Variants in STARD9 observed in about 807,000 individuals in gnomAD.
The protein encoded by STARD9 is StAR related lipid transfer domain containing 9.
A neutral mutation model predicts 399.8 loss-of-function variants in STARD9; 346 were observed. The ratio of observed to expected loss-of-function variants is 0.87; its 90% CI spans 0.79 to 0.95. STARD9 has a LOEUF of 0.95. STARD9 is among the 40% of genes least tolerant of loss of function. The pLI, the probability that STARD9 is intolerant of heterozygous loss-of-function variation, is 0.00. For synonymous variants in STARD9, 2,203 were observed against 2,143.5 expected (o/e 1.03, Z -0.77); for missense variants, 5,832 against 5,667.5 (o/e 1.03, Z -0.93).
intron 3 of STARD9, among the ~76,000 whole-genome samples, chr15:42,622,857 C>A (rs765596203): frequency 3.3e-5 from 5 of 152,152 alleles, no homozygotes; most frequent in African/African-American, 4.8e-5. Flanking sequence ...GTCCTGGGGT[C>A]AACCTCACTG....
chr15:42,661,567 C>T (rs1279034186), intron 10 of STARD9, among the ~76,000 whole-genome samples: 3 of 152,134 alleles, frequency 2.0e-5, no homozygotes, highest in Non-Finnish European at 4.4e-5. Flanking sequence ...GCCTCAGCCT[C>T]TGGAGTAGCT....
In STARD9 at chr15:42,688,402, T is replaced by A. The variant is rs763037398; in HGVS notation, c.6824T>A (p.Val2275Asp). 6.5e-6 allele frequency: 10 copies of A among 1,537,480 alleles called. No individual in the cohort carries two copies. In the South Asian group the frequency reaches 1.2e-4, roughly 18 times the overall value. The change falls in exon 23 of 33, where the codon GTT becomes GAT. Residue 2275 changes from valine (V) to aspartate (D), a missense_variant. Val to Asp is a radical substitution (Grantham distance 152). Around this residue, in one of 2 missense-constraint regions of STARD9, gnomAD observed 5,828 missense variants for 5,651.1 expected, o/e 1.03. Transcript: ENST00000290607. ...GAAGAGCCAAAAGCTCAAGGTAAAG[T>A]TGAAGAAATGCCTATGCAAAGGGGA... ...NQEEPKAQGK[V>D]EEMPMQRGGS...
intron 3 of STARD9, among the ~76,000 whole-genome samples, chr15:42,603,652 A>T (rs1003930811): frequency 1.7e-4 from 26 of 152,030 alleles, no homozygotes; most frequent in African/African-American, 6.0e-4. Context: ...TTTTTAAAGG[A>T]TAGTTTTGCA....
intron 26 of STARD9, among the ~76,000 whole-genome samples, chr15:42,713,380 TTTTTTG>T (rs1338802401): frequency 6.6e-6 from 1 of 152,226 alleles, no homozygotes; most frequent in Non-Finnish European, 1.5e-5. Context: ...GTCATCTGCC[TTTTTTG>T]TTTTTGTCTT....
chr15:42,638,730 G>T lies in STARD9; in HGVS notation c.477G>T (p.Arg159=). 5 of 1,536,254 alleles carry T rather than the reference G, an allele frequency of 3.3e-6. No homozygotes were observed. Among genetic ancestry groups the T allele is most frequent in the South Asian group, 1.2e-5 (1 of 83,964 alleles). ...TAGAAATCTATAATGAACGGGTGCG[G>T]GATCTGTTGAAGCAATCTGGTCAAA... ...SFLEIYNERV[R]DLLKQSGQKK... is the part of the protein sequence containing the mutation. The change falls in exon 7 of 33, where the codon CGG becomes CGT. Residue 159 remains arginine (R), a synonymous_variant. Transcript: ENST00000290607.
rs562398231 is a variant in STARD9, at chr15:42,638,034, C to T, written c.393C>T (p.Phe131=). ...GLTPRICEGL[F]VREKDCASLP... ...CCCTCTGGTTTGTGCAGGGTCTCTT[C>T]GTCAGGGAGAAAGACTGTGCCTCAC... The change falls in exon 6 of 33, where the codon TTC becomes TTT. Residue 131 remains phenylalanine, a synonymous_variant. Transcript: ENST00000290607. 32 of 1,537,356 alleles carry T rather than the reference C, an allele frequency of 2.1e-5. No individual in the cohort carries two copies. The East Asian group carries it at 6.1e-4, about 29-fold the overall frequency.
chr15:42,695,261 C>G lies in STARD9; in HGVS notation c.13084C>G (p.Arg4362Gly). ...VEIARARDQL[R>G]ERTEQEKLRI... ...GATTGCCCGGGCCCGAGACCAACTG[C>G]GGGAGCGGACTGAACAAGAGAAGCT... Residue 4362 changes from arginine to glycine, a missense_variant, in exon 25 of 33, where the codon CGG becomes GGG. This residue lies in a region of STARD9 where 5,828 missense variants were observed against 5,651.1 expected (regional missense o/e 1.03). Coordinates refer to ENST00000290607, the MANE Select transcript of STARD9 (RefSeq NM_020759.3). 6.5e-7 allele frequency: 1 copy of G among 1,537,104 alleles called. No homozygotes were observed. The highest frequency in any genetic ancestry group is 8.7e-7 in the Non-Finnish European group (1 of 1,146,832).
chr15:42,607,329 A>C (rs1182151255), intron 3 of STARD9, among the ~76,000 whole-genome samples: 1 of 148,634 alleles, frequency 6.7e-6, no homozygotes, highest in East Asian at 2.0e-4. Context: ...CATTCTCCTG[A>C]GTAGCTGGGA....
At position 42,614,720 on chromosome 15, in the gene STARD9, A is replaced by C. The variant is rs572716699; in HGVS notation, c.235-20136A>C. 6.6e-4 allele frequency among the ~76,000 whole-genome samples: 100 copies of C among 152,156 alleles called. 1 individual carries two copies. Among genetic ancestry groups the C allele is most frequent in the African/African-American group, 2.3e-3 (97 of 41,550 alleles). On this transcript the variant is annotated intron_variant, in intron 3 of 32. Transcript: ENST00000290607. ...GGTGGCTCACGCCTGTAATCCCACC[A>C]CTTTGGGAGGCCGAGGTGGGCAGAT... is the stretch of plus-strand genomic sequence containing the variant.
intron 9 of STARD9, among the ~76,000 whole-genome samples, chr15:42,656,205 A>G (rs1330510299): frequency 6.6e-6 from 1 of 151,536 alleles, no homozygotes; most frequent in South Asian, 2.1e-4. Flanking sequence ...AAAATAAAAA[A>G]ATTTGCTGTT....
intron 26 of STARD9, among the ~76,000 whole-genome samples, chr15:42,698,062 C>T (rs1176563864): frequency 6.6e-6 from 1 of 152,180 alleles, no homozygotes; most frequent in Non-Finnish European, 1.5e-5. Flanking sequence ...ATTTGTAACT[C>T]TATTTGAATA....
chr15:42,663,758 A>C (rs1447685702), intron 12 of STARD9, 62 bp from the exon 13 acceptor site: 24 of 1,234,410 alleles, frequency 1.9e-5, no homozygotes, highest in Non-Finnish European at 2.3e-5. Context: ...GTAACAAGGC[A>C]AGTGATTAAG....
rs771982069 is a variant in STARD9 at position 42,690,337 on chromosome 15, AC to A, written c.8762del (p.Pro2921GlnfsTer5). On this transcript the variant is annotated frameshift_variant, in exon 23 of 33. Coordinates refer to ENST00000290607, the MANE Select transcript of STARD9 (RefSeq NM_020759.3). LOFTEE classifies it high-confidence loss of function. ...ATTGGGGAGGAAGCCCCATGTAGACACCCAAGGGAAGCTTTAGATGGCCCTG... is the reference window on the plus strand; with the variant it reads ...ATTGGGGAGGAAGCCCCATGTAGACACCAAGGGAAGCTTTAGATGGCCCTG... Reference protein sequence around the residue: ...GGIGEEAPCRHPREALDGPVF... With the variant: ...GGIGEEAPCRXPREALDGPVF... 2.0e-6 allele frequency: 3 copies of A among 1,537,222 alleles called. No individual in the cohort carries two copies. Among genetic ancestry groups the A allele is most frequent in the South Asian group, 2.4e-5 (2 of 84,062 alleles).
chr15:42,609,956 G>C (rs1186975606), intron 3 of STARD9, among the ~76,000 whole-genome samples: 4 of 151,988 alleles, frequency 2.6e-5, no homozygotes, highest in Non-Finnish European at 4.4e-5. Flanking sequence ...AGCTGAGCAT[G>C]GTGGTGGGCT....
chr15:42,663,766 A>T, intron 12 of STARD9, 54 bp from the exon 13 acceptor site: 1 of 1,309,068 alleles, frequency 7.6e-7, no homozygotes, highest in Non-Finnish European at 1.1e-6. Flanking sequence ...GCAAGTGATT[A>T]AGAGCTGGGA....
intron 7 of STARD9, among the ~76,000 whole-genome samples, chr15:42,641,260 C>T (rs1309220152): frequency 6.6e-6 from 1 of 152,200 alleles, no homozygotes; most frequent in Non-Finnish European, 1.5e-5. Flanking sequence ...GGAAATACTA[C>T]ATTCTAAACC....
chr15:42,649,758 A>G (rs2059719621), intron 7 of STARD9, among the ~76,000 whole-genome samples: 1 of 148,204 alleles, frequency 6.7e-6, no homozygotes, highest in South Asian at 2.1e-4. Flanking sequence ...GTGGGGTTTC[A>G]CCATCTTGGC....
chr15:42,677,352 A>G (rs2060331809), intron 20 of STARD9, among the ~76,000 whole-genome samples: 1 of 152,250 alleles, frequency 6.6e-6, no homozygotes, highest in Non-Finnish European at 1.5e-5. Context: ...GAAGGATGCT[A>G]CAACAGAAAT....
At chr15:42,664,576 A>G (rs1357331486) in intron 13 of STARD9, among the ~76,000 whole-genome samples, 1 of 152,170 alleles carries the variant, frequency 6.6e-6, no homozygotes, top group African/African-American at 2.4e-5. Context: ...AATATTGCCC[A>G]GGCTGGTCTC....
Sources: allele counts gnomAD v4.1 joint callset (sites outside exome capture counted in the v4.1 genomes callset), GRCh38; gene constraint gnomAD v4.1.1; regional missense constraint gnomAD v4.1.1; transcripts MANE v1.5; gene names NCBI Gene and HGNC (gene_info 2026-07-23, HGNC 2026-07-21).